The following AKR1C4 variants were observed in gnomAD, a reference collection of about 807,000 sequenced individuals.
The protein encoded by AKR1C4 is aldo-keto reductase family 1 member C4, also known as 3-alpha-HSD1.
In AKR1C4, 44 loss-of-function variants were observed where a neutral mutation model predicts 41.0. The ratio of observed to expected loss-of-function variants is 1.07; its 90% CI spans 0.84 to 1.38. The LOEUF is 1.38. Among genes scored for constraint, AKR1C4 ranks in the 40% most tolerant of loss-of-function variants. The pLI, the probability that AKR1C4 is intolerant of heterozygous loss-of-function variation, is 0.00. For synonymous variants in AKR1C4, 165 were observed against 137.7 expected (o/e 1.20, Z -1.39); for missense variants, 438 against 387.9 (o/e 1.13, Z -1.09).
intron 1 of AKR1C4, 97 bp downstream of exon 1, chr10:5,197,048 T>C: frequency 8.4e-7 from 1 of 1,184,712 alleles, no homozygotes; most frequent in African/African-American, 1.5e-5. Context: ...TCTGTTACCC[T>C]GAGTGACTCA....
intron 2 of AKR1C4, among the ~76,000 whole-genome samples, chr10:5,201,943 T>G (rs1450441082): frequency 2.6e-5 from 4 of 152,220 alleles, no homozygotes; most frequent in Non-Finnish European, 4.4e-5. Flanking sequence ...TGTTCTCTAT[T>G]CTGTTTCATT....
chr10:5,216,222 C>T (rs1157975005), intron 7 of AKR1C4, among the ~76,000 whole-genome samples: 1 of 152,196 alleles, frequency 6.6e-6, no homozygotes, highest in African/African-American at 2.4e-5. Context: ...GCAGTGAACA[C>T]TCATTACCAT....
At chr10:5,206,123 C>G in intron 4 of AKR1C4, 152 bp from the exon 5 acceptor site, 1 of 1,370,920 alleles carries the variant, frequency 7.3e-7, no homozygotes, top group Non-Finnish European at 9.9e-7. Context: ...TGTCACTATC[C>G]TTTTGTTATC....
chr10:5,215,354 AT>A (rs1437270861), intron 7 of AKR1C4, among the ~76,000 whole-genome samples: 9 of 152,072 alleles, frequency 5.9e-5, no homozygotes, highest in Admixed American at 5.9e-4. Flanking sequence ...AACAATATCC[AT>A]CTGTATTAGT....
intron 3 of AKR1C4, 139 bp downstream of exon 3, chr10:5,204,632 T>C (rs1554797274): frequency 1.3e-6 from 1 of 785,578 alleles, no homozygotes; most frequent in South Asian, 1.4e-5. Context: ...CTAAGCCATT[T>C]TCTTGAAGAG....
In AKR1C4 at chr10:5,206,400, G is replaced by A. The variant is rs1832487952; in HGVS notation, c.570+3G>A. 1.9e-6 allele frequency: 3 copies of A among 1,613,986 alleles called. No individual in the cohort carries two copies. In the African/African-American group the frequency reaches 4.0e-5, roughly 22 times the overall value. Reference sequence around the variant, plus strand: ...AGTACAAGCCTGTCTGCAACCAGGTGAGCACCCTCAGCCTCCTCTCCTTTC... The same window carrying A: ...AGTACAAGCCTGTCTGCAACCAGGTAAGCACCCTCAGCCTCCTCTCCTTTC... On this transcript the variant is annotated splice_donor_region_variant and intron_variant, in intron 5 of 8. Coordinates refer to ENST00000263126, the MANE Select transcript of AKR1C4 (RefSeq NM_001818.5).
Position 5,196,853 on chromosome 10 carries a change from A to G in AKR1C4, c.-15A>G, listed in dbSNP as rs782376689. 3.7e-6 allele frequency: 6 copies of G among 1,613,790 alleles called. No homozygotes were observed. In the South Asian group the frequency reaches 6.6e-5, roughly 18 times the overall value. ...GAAGGAAACAGGATCTGCTTAGTGA[A>G]AGAAGTGGCAAGCAATGGATCCCAA... On this transcript the variant is annotated 5_prime_UTR_variant, in exon 1 of 9. Coordinates refer to ENST00000263126, the MANE Select transcript of AKR1C4 (RefSeq NM_001818.5).
At chr10:5,199,706 G>A (rs896194552) in intron 1 of AKR1C4, among the ~76,000 whole-genome samples, 1 of 152,034 alleles carries the variant, frequency 6.6e-6, no homozygotes, top group Non-Finnish European at 1.5e-5. Flanking sequence ...CGGACTCTAG[G>A]GGAAAACGTT....
intron 7 of AKR1C4, among the ~76,000 whole-genome samples, chr10:5,216,445 TA>T (rs1313746239): frequency 6.6e-6 from 1 of 152,214 alleles, no homozygotes; most frequent in African/African-American, 2.4e-5. Flanking sequence ...CATGTGCACA[TA>T]AGGTCAACTT....
intron 2 of AKR1C4, among the ~76,000 whole-genome samples, chr10:5,204,064 G>A (rs980407357): frequency 2.0e-5 from 3 of 152,158 alleles, no homozygotes; most frequent in Admixed American, 1.3e-4. Context: ...TGCCCATCGG[G>A]TTCAATGGAT....
chr10:5,206,722 G>A (rs1156805951), intron 5 of AKR1C4, among the ~76,000 whole-genome samples: 1 of 123,418 alleles, frequency 8.1e-6, no homozygotes, highest in African/African-American at 3.7e-5. Flanking sequence ...ACCAGAGAGT[G>A]GATTGGTAAA....
intron 7 of AKR1C4, among the ~76,000 whole-genome samples, chr10:5,215,393 C>A (rs575986049): frequency 3.3e-5 from 5 of 152,168 alleles, no homozygotes; most frequent in Admixed American, 2.0e-4. Flanking sequence ...AAAAAAAATA[C>A]TTGATGCTGG....
chr10:5,205,410 GA>G (rs1475774672), intron 3 of AKR1C4, among the ~76,000 whole-genome samples: 1 of 152,198 alleles, frequency 6.6e-6, no homozygotes, highest in African/African-American at 2.4e-5. Flanking sequence ...CCTGGATCAA[GA>G]ATACAATCCC....
intron 5 of AKR1C4, among the ~76,000 whole-genome samples, chr10:5,206,743 A>G (rs1208979519): frequency 8.1e-6 from 1 of 123,274 alleles, no homozygotes; most frequent in Non-Finnish European, 1.7e-5. Flanking sequence ...GATGATTTGG[A>G]GTAGAATGTA....
intron 2 of AKR1C4, among the ~76,000 whole-genome samples, chr10:5,202,714 C>A (rs1832418990): frequency 1.3e-5 from 2 of 151,838 alleles, no homozygotes; most frequent in Non-Finnish European, 2.9e-5. Context: ...TTATTAATTG[C>A]TTTTTTGCAT....
Position 5,205,766 on chromosome 10 carries a change from A to C in AKR1C4, c.379A>C (p.Thr127Pro). 1 of 1,613,318 alleles carries C rather than the reference A, an allele frequency of 6.2e-7. No homozygotes were observed. Among genetic ancestry groups the C allele is most frequent in the African/African-American group, 1.3e-5 (1 of 74,988 alleles). Residue 127 changes from threonine (T) to proline (P), a missense_variant, in exon 4 of 9, where the codon ACG becomes CCG. Transcript: ENST00000263126. ...ACTGCTTCTACTTCAGCCAGGTGAG[A>C]CGCCACTACCAAAAGATGAAAATGG... Reference protein sequence around the residue: ...HFPMALKPGETPLPKDENGKV... With the variant: ...HFPMALKPGEPPLPKDENGKV...
chr10:5,212,281 G>A (rs535411524), intron 5 of AKR1C4, among the ~76,000 whole-genome samples: 1 of 152,092 alleles, frequency 6.6e-6, no homozygotes, highest in Admixed American at 6.6e-5. Flanking sequence ...CTGCCCTTAT[G>A]AGTCTTTAAA....
chr10:5,197,016 C>A, intron 1 of AKR1C4, 65 bp downstream of exon 1: 2 of 1,511,910 alleles, frequency 1.3e-6, no homozygotes, highest in Non-Finnish European at 1.8e-6. Flanking sequence ...GAACGATGAC[C>A]TGGGTTGTTC....
At chr10:5,205,730 A>G in intron 3 of AKR1C4, 27 bp from the exon 4 acceptor site, 2 of 1,602,896 alleles carry the variant, frequency 1.2e-6, no homozygotes, top group Non-Finnish European at 1.7e-6. Flanking sequence ...TTAAATGGTG[A>G]CACTAAAGTG....
Sources: gnomAD v4.1 joint callset for allele counts (sites outside exome capture counted in the v4.1 genomes callset) on GRCh38, gnomAD v4.1.1 for gene constraint, MANE v1.5 for transcripts, NCBI Gene and HGNC (gene_info 2026-07-23, HGNC 2026-07-21) for gene names.